The following MEGF6 variants were observed in gnomAD, a reference collection of about 807,000 sequenced individuals.
MEGF6 encodes multiple EGF like domains 6, also known as multiple epidermal growth factor-like domains protein 6.
Under a neutral mutation model 207.1 loss-of-function variants are expected in MEGF6, and 184 were observed. That is an observed-to-expected ratio of 0.89 (90% confidence interval 0.79 to 1.00). MEGF6 has a LOEUF of 1.00. Ranked by LOEUF, MEGF6 falls within the 50% of genes least tolerant of loss-of-function variation. MEGF6 has a pLI of 0.00. For missense variants in MEGF6, 2,282 were observed against 2,202.9 expected (o/e 1.04, Z -0.72); for synonymous variants, 1,038 against 910.0 (o/e 1.14, Z -2.53).
chr1:3,609,386 G>A (rs1008685972), intron 1 of MEGF6, among the ~76,000 whole-genome samples: 2 of 152,232 alleles, frequency 1.3e-5, no homozygotes, highest in African/African-American at 2.4e-5. Context: ...GTCCAGGCAC[G>A]TGCCAGGTGC....
At chr1:3,593,863 C>T (rs1039179933) in intron 3 of MEGF6, among the ~76,000 whole-genome samples, 1 of 152,190 alleles carries the variant, frequency 6.6e-6, no homozygotes, top group East Asian at 1.9e-4. Context: ...GGCCCCATCT[C>T]CTCCTCCTTC....
At chr1:3,557,425 G>T (rs906554654) in intron 4 of MEGF6, among the ~76,000 whole-genome samples, 2 of 152,210 alleles carry the variant, frequency 1.3e-5, no homozygotes, top group Non-Finnish European at 2.9e-5. Context: ...AGGGCATCCT[G>T]CCCGGCCAGG....
chr1:3,534,945 TC>T (rs1164466913), intron 4 of MEGF6, among the ~76,000 whole-genome samples: 1 of 152,054 alleles, frequency 6.6e-6, no homozygotes, highest in Non-Finnish European at 1.5e-5. Context: ...CCCGCGTCCA[TC>T]CAGGGTGAGG....
chr1:3,585,377 G>A (rs1221324829), intron 3 of MEGF6, among the ~76,000 whole-genome samples: 2 of 150,552 alleles, frequency 1.3e-5, no homozygotes, highest in South Asian at 2.1e-4. Flanking sequence ...CTGTGTGTGG[G>A]TGTCTGGACG....
intron 1 of MEGF6, among the ~76,000 whole-genome samples, chr1:3,609,884 G>C (rs368796335): frequency 6.6e-6 from 1 of 152,184 alleles, no homozygotes; most frequent in African/African-American, 2.4e-5. Context: ...CAGAGACAGC[G>C]GGACATCCAC....
chr1:3,501,942 G>C, intron 17 of MEGF6, 21 bp from the exon 18 acceptor site: 1 of 1,508,596 alleles, frequency 6.6e-7, no homozygotes, highest in Non-Finnish European at 8.9e-7. Flanking sequence ...AAGCACGAGG[G>C]GCCTTAGCCG....
chr1:3,563,088 G>C (rs926592985), intron 4 of MEGF6, among the ~76,000 whole-genome samples: 2 of 152,094 alleles, frequency 1.3e-5, no homozygotes, highest in Non-Finnish European at 2.9e-5. Context: ...TCCCTCCCTG[G>C]AGGCTGCCTG....
chr1:3,489,043 T>C lies in MEGF6; in HGVS notation c.*1485A>G, dbSNP rs1640248644. Among the ~76,000 whole-genome samples the C allele has an allele frequency of 6.6e-6, 1 of 152,200 alleles. No homozygotes were observed. The highest frequency in any genetic ancestry group is 1.5e-5 in the Non-Finnish European group (1 of 68,038). On this transcript the variant is annotated 3_prime_UTR_variant, in exon 37 of 37. Coordinates refer to ENST00000356575, the MANE Select transcript of MEGF6 (RefSeq NM_001409.4). ...GGAGAATCTCCTGAGCTGTATCCAC[T>C]CACCCCATCTGCTGGATGCTTCATT...
chr1:3,532,019 G>C lies in MEGF6; in HGVS notation c.482-7773C>G, dbSNP rs542371949. ...TGGCCCAGGGCCCCATACTTGGAGGGAGCCTGGGCGAGGGAAAGCTGGCAT... is the reference window on the plus strand; with the variant it reads ...TGGCCCAGGGCCCCATACTTGGAGGCAGCCTGGGCGAGGGAAAGCTGGCAT... On this transcript the variant is annotated intron_variant, in intron 4 of 36. Coordinates refer to ENST00000356575, the MANE Select transcript of MEGF6 (RefSeq NM_001409.4). 4.8e-3 allele frequency among the ~76,000 whole-genome samples: 738 copies of C among 152,362 alleles called. 6 individuals carry two copies. Among genetic ancestry groups the C allele is most frequent in the African/African-American group, 0.017 (703 of 41,586 alleles).
At position 3,515,510 on chromosome 1, in the gene MEGF6, G is replaced by A. The variant is rs1325710654; in HGVS notation, c.622C>T (p.Leu208=). ...RTCLAINSCA[L]GNGGCQHHCV... ...TGGTGCTGGCAGCCGCCATTGCCCA[G>A]GGCGCAGGAGTTAATGGCTGGGGAC... The change falls in exon 6 of 37, where the codon CTG becomes TTG. Residue 208 remains leucine, a synonymous_variant. Transcript: ENST00000356575. The A allele has an allele frequency of 6.2e-7, 1 of 1,612,494 alleles. No individual in the cohort carries two copies. The highest frequency in any genetic ancestry group is 1.3e-5 in the African/African-American group (1 of 75,070).
intron 17 of MEGF6, among the ~76,000 whole-genome samples, chr1:3,503,031 G>C (rs936284456): frequency 1.3e-5 from 2 of 152,202 alleles, no homozygotes; most frequent in Admixed American, 6.5e-5. Context: ...AAGATCCACA[G>C]AGCCCACGTG....
intron 36 of MEGF6, 100 bp downstream of exon 36, chr1:3,490,812 T>A (rs996077971): frequency 4.9e-6 from 7 of 1,435,988 alleles, no homozygotes; most frequent in South Asian, 1.2e-5. Flanking sequence ...CGGGTGCAGC[T>A]GCTGCCCTGT....
At chr1:3,498,568 C>G (rs953080078) in intron 25 of MEGF6, 69 bp from the exon 26 acceptor site, 10 of 1,495,944 alleles carry the variant, frequency 6.7e-6, no homozygotes, top group Non-Finnish European at 7.1e-6. Flanking sequence ...CTGACCCATG[C>G]TTCCTGCACG....
intron 5 of MEGF6, among the ~76,000 whole-genome samples, chr1:3,523,276 G>A (rs1278519282): frequency 6.6e-6 from 1 of 152,194 alleles, no homozygotes; most frequent in Non-Finnish European, 1.5e-5. Context: ...TCCTTGCTTG[G>A]GGCGCCTGTG....
At chr1:3,616,166 ACGCTCCTTCCC>A (rs1453678518), upstream of MEGF6, among the ~76,000 whole-genome samples, 10 of 152,180 alleles carry the variant, frequency 6.6e-5, no homozygotes, top group Non-Finnish European at 1.5e-4. Context: ...TGGCGGTTGC[ACGCTCCTTCCC>A]TGCAGCCTGA....
In MEGF6 at chr1:3,560,370, T is replaced by C. The variant is rs1417484798; in HGVS notation, c.481+19455A>G. Among the ~76,000 whole-genome samples the C allele has an allele frequency of 6.6e-6, 1 of 152,182 alleles. No individual in the cohort carries two copies. Among genetic ancestry groups the C allele is most frequent in the Admixed American group, 6.5e-5 (1 of 15,282 alleles). On this transcript the variant is annotated intron_variant, in intron 4 of 36. Transcript: ENST00000356575. This position sits in a 1 kb window ranked among gnomAD's most constrained non-coding sequence, Gnocchi z 4.0. ...CTAGGGGCTGTGCATTCCATGGACT[T>C]GGACAAGTGTCTCATGGCCTGGATC...
At chr1:3,536,093 C>A (rs959303535) in intron 4 of MEGF6, among the ~76,000 whole-genome samples, 3 of 152,152 alleles carry the variant, frequency 2.0e-5, no homozygotes, top group African/African-American at 4.8e-5. Context: ...CCTGAACGAG[C>A]CTTCCCTGGC....
At chr1:3,541,848 G>C (rs1642535011) in intron 4 of MEGF6, among the ~76,000 whole-genome samples, 1 of 152,116 alleles carries the variant, frequency 6.6e-6, no homozygotes, top group African/African-American at 2.4e-5. Context: ...AGTCTCTGGT[G>C]GTCCCTGCTA....
Position 3,501,845 on chromosome 1 carries a change from C to T in MEGF6, c.2265G>A (p.Thr755=), listed in dbSNP as rs200967793. 135 of 1,608,346 alleles carry T rather than the reference C, an allele frequency of 8.4e-5. No individual in the cohort carries two copies. Among genetic ancestry groups the T allele is most frequent in the African/African-American group, 6.7e-4 (50 of 74,678 alleles). ...SCGGAPCHGV[T]GQCRCPPGRT... The stretch of plus-strand genomic sequence containing the variant: ...TCCCCGGCGGACACCGGCACTGCCC[C>T]GTGACCCCGTGGCAGGGGGCCCCCC... The change falls in exon 18 of 37, where the codon ACG becomes ACA. Residue 755 remains threonine, a synonymous_variant. Transcript: ENST00000356575.
Sources: allele counts gnomAD v4.1 joint callset (sites outside exome capture counted in the v4.1 genomes callset), GRCh38; gene constraint gnomAD v4.1.1; non-coding constraint Gnocchi (gnomAD v3.1); transcripts MANE v1.5; gene names NCBI Gene and HGNC (gene_info 2026-07-23, HGNC 2026-07-21).